Variants in CAMK1D observed in about 807,000 individuals in gnomAD.
CAMK1D encodes calcium/calmodulin dependent protein kinase ID, also known as calcium/calmodulin-dependent protein kinase type 1D.
In CAMK1D, 9 loss-of-function variants were observed where a neutral mutation model predicts 47.7. The ratio of observed to expected loss-of-function variants is 0.19; its 90% CI spans 0.11 to 0.33. The LOEUF (loss-of-function observed/expected upper bound fraction) is 0.33, where lower values mean the gene tolerates loss of function less well. Among genes scored for constraint, CAMK1D ranks in the 10% least tolerant of loss-of-function variants. CAMK1D has a pLI of 1.00. For missense variants in CAMK1D, 291 were observed against 488.7 expected (o/e 0.60, Z 3.81); for synonymous variants, 184 against 184.9 (o/e 0.99, Z 0.04).
chr10:12,826,610 T>A (rs1179131077), intron 10 of CAMK1D, among the ~76,000 whole-genome samples: 1 of 152,038 alleles, frequency 6.6e-6, no homozygotes, highest in African/African-American at 2.4e-5. Context: ...GGCCCTAATC[T>A]CCCTAACCAT....
At chr10:12,367,398 G>A (rs973612723) in intron 1 of CAMK1D, among the ~76,000 whole-genome samples, 3 of 152,014 alleles carry the variant, frequency 2.0e-5, no homozygotes, top group African/African-American at 4.8e-5. Flanking sequence ...GACGAGGGGT[G>A]GGGGGATGGT....
chr10:12,660,000 A>G (rs577044708), intron 2 of CAMK1D, among the ~76,000 whole-genome samples: 1 of 152,226 alleles, frequency 6.6e-6, no homozygotes, highest in South Asian at 2.1e-4. Context: ...ATCCTCTCTT[A>G]TAATCAGTTT....
intron 1 of CAMK1D, among the ~76,000 whole-genome samples, chr10:12,485,399 T>C (rs983574433): frequency 6.6e-6 from 1 of 151,162 alleles, no homozygotes; most frequent in Non-Finnish European, 1.5e-5. Flanking sequence ...GGGGAGGGAG[T>C]AGAAACAGGC....
intron 3 of CAMK1D, among the ~76,000 whole-genome samples, chr10:12,724,307 C>T (rs971953858): frequency 1.3e-5 from 2 of 152,156 alleles, no homozygotes; most frequent in African/African-American, 2.4e-5. Flanking sequence ...TTGTCTTGGG[C>T]TGCCTTCTGT....
intron 1 of CAMK1D, among the ~76,000 whole-genome samples, chr10:12,504,150 T>A (rs1046204201): frequency 2.0e-5 from 3 of 148,836 alleles, no homozygotes; most frequent in Non-Finnish European, 3.0e-5. Flanking sequence ...TGTGTGTGTG[T>A]GATGTATGTA....
intron 1 of CAMK1D, among the ~76,000 whole-genome samples, chr10:12,369,920 C>T (rs1304045644): frequency 6.7e-6 from 1 of 150,308 alleles, no homozygotes; most frequent in Non-Finnish European, 1.5e-5. Flanking sequence ...CACGTCATTG[C>T]ACTCCAGTCT....
At chr10:12,556,085 C>T (rs893901240) in intron 2 of CAMK1D, among the ~76,000 whole-genome samples, 2 of 152,100 alleles carry the variant, frequency 1.3e-5, no homozygotes, top group African/African-American at 2.4e-5. Flanking sequence ...GAGTCAAGAA[C>T]AAAGAAGTGA....
At chr10:12,455,297 A>G (rs1833207508) in intron 1 of CAMK1D, among the ~76,000 whole-genome samples, 1 of 152,148 alleles carries the variant, frequency 6.6e-6, no homozygotes, top group Non-Finnish European at 1.5e-5. Context: ...ACAGTGTCCC[A>G]AGTAGCTGAG....
chr10:12,492,226 G>A (rs1834407363), intron 1 of CAMK1D, among the ~76,000 whole-genome samples: 1 of 151,928 alleles, frequency 6.6e-6, no homozygotes, highest in Non-Finnish European at 1.5e-5. Flanking sequence ...GCCCTTCACG[G>A]TGCCAGGTTT....
intron 8 of CAMK1D, among the ~76,000 whole-genome samples, chr10:12,817,925 G>T (rs193172539): frequency 6.6e-6 from 1 of 152,168 alleles, no homozygotes; most frequent in African/African-American, 2.4e-5. Context: ...CTGACCTCAG[G>T]TGATCCACCT....
chr10:12,541,648 C>G (rs1564400861), intron 1 of CAMK1D, among the ~76,000 whole-genome samples: 1 of 151,718 alleles, frequency 6.6e-6, no homozygotes, highest in Admixed American at 6.5e-5. Context: ...GCGTGAGCCA[C>G]TGCGCCCAGC....
rs74328894 is a variant in CAMK1D at position 12,414,881 on chromosome 10, T to G, written c.92+64971T>G. On this transcript the variant is annotated intron_variant, in intron 1 of 10. Transcript: ENST00000619168. ...GATCTTGCTTGATGGCCAAATTCAG[T>G]TCAAATTAAGGAAATAAATTATGGA... 9.6e-3 allele frequency among the ~76,000 whole-genome samples: 1,457 copies of G among 152,316 alleles called. 25 individuals carry two copies. The highest frequency in any genetic ancestry group is 0.033 in the African/African-American group (1,367 of 41,562).
At chr10:12,652,424 A>C (rs951783895) in intron 2 of CAMK1D, among the ~76,000 whole-genome samples, 1 of 71,136 alleles carries the variant, frequency 1.4e-5, no homozygotes, top group African/African-American at 4.2e-5. Context: ...TACTAAAAAT[A>C]CAAAAAAAAA....
Position 12,688,792 on chromosome 10 carries a change from C to T in CAMK1D, c.299+21982C>T, listed in dbSNP as rs377540406. Reference sequence around the variant, plus strand: ...CTCTGCCTGCTGGTTTCAAGAGATTCTCCTGCCTTACCCCCTGAGTAGTTG... The same window carrying T: ...CTCTGCCTGCTGGTTTCAAGAGATTTTCCTGCCTTACCCCCTGAGTAGTTG... On this transcript the variant is annotated intron_variant, in intron 3 of 10. Transcript: ENST00000619168. 1.1e-4 allele frequency among the ~76,000 whole-genome samples: 16 copies of T among 152,296 alleles called. No homozygotes were observed. The East Asian group carries it at 2.3e-3, about 22-fold the overall frequency.
chr10:12,688,549 A>G (rs1286464058), intron 3 of CAMK1D, among the ~76,000 whole-genome samples: 1 of 152,174 alleles, frequency 6.6e-6, no homozygotes, highest in African/African-American at 2.4e-5. Context: ...ACTCCTTGTG[A>G]ACCCTAAGAT....
chr10:12,670,443 T>C (rs1379434232), intron 3 of CAMK1D, among the ~76,000 whole-genome samples: 1 of 152,188 alleles, frequency 6.6e-6, no homozygotes, highest in Non-Finnish European at 1.5e-5. Context: ...TATGAATATT[T>C]TCTTCCATTT....
intron 1 of CAMK1D, among the ~76,000 whole-genome samples, chr10:12,515,047 G>A (rs1046203622): frequency 6.6e-5 from 10 of 151,066 alleles, no homozygotes; most frequent in Admixed American, 5.9e-4. Flanking sequence ...ATTTTTAGTA[G>A]AGACGGGGTT....
At chr10:12,651,535 G>A (rs1038943532) in intron 2 of CAMK1D, among the ~76,000 whole-genome samples, 16 of 151,936 alleles carry the variant, frequency 1.1e-4, no homozygotes, top group African/African-American at 3.9e-4. Context: ...GGGACCACAG[G>A]CACGTGCCAC....
chr10:12,565,501 G>T (rs368347983), intron 2 of CAMK1D, among the ~76,000 whole-genome samples: 1 of 152,160 alleles, frequency 6.6e-6, no homozygotes, highest in African/African-American at 2.4e-5. Flanking sequence ...TGATCTGCCC[G>T]CCTCGGCCTC....
Sources: allele counts gnomAD v4.1 joint callset (sites outside exome capture counted in the v4.1 genomes callset), GRCh38; gene constraint gnomAD v4.1.1; transcripts MANE v1.5; gene names NCBI Gene and HGNC (gene_info 2026-07-23, HGNC 2026-07-21).